GSDMB: variants seen among roughly 807,000 people sequenced by gnomAD.
GSDMB encodes the protein gasdermin B.
In GSDMB, 32 loss-of-function variants were observed where a neutral mutation model predicts 42.9. That is an observed-to-expected ratio of 0.75 (90% CI 0.56 to 1.00). GSDMB has a LOEUF of 1.00. GSDMB is among the 50% of genes least tolerant of loss of function. The pLI, the probability that GSDMB is intolerant of heterozygous loss-of-function variation, is 0.00. For synonymous variants in GSDMB, 175 were observed against 193.7 expected, an observed-to-expected ratio of 0.90 and a Z score of 0.80; for missense variants, 468 against 498.5, an observed-to-expected ratio of 0.94 and a Z score of 0.58.
intron 3 of GSDMB, among the ~76,000 whole-genome samples, chr17:39,911,597 C>T (rs1014852756): frequency 5.3e-5 from 8 of 152,142 alleles, no homozygotes; most frequent in Non-Finnish European, 5.9e-5. Context: ...CAGGAAACAT[C>T]CTCCAAGGGG....
intron 2 of GSDMB, 28 bp from the exon 3 acceptor site, chr17:39,912,525 T>C (rs2144700810): frequency 6.3e-7 from 1 of 1,580,688 alleles, no homozygotes; most frequent in Non-Finnish European, 8.7e-7. Flanking sequence ...AAGGTCACTC[T>C]GGAGCAGACC....
intron 4 of GSDMB, chr17:39,909,436 C>T (rs974285595): frequency 5.1e-6 from 2 of 393,126 alleles, no homozygotes; most frequent in East Asian, 1.0e-4. Flanking sequence ...GTGGCTCACA[C>T]CTGTAATCCC....
At chr17:39,908,324 CAAAAAA>C (rs3076830) in intron 5 of GSDMB, 110 bp from the exon 6 acceptor site, 1,053 of 244,680 alleles carry the variant, frequency 4.3e-3, no homozygotes, top group Middle Eastern at 9.1e-3. Context: ...AGCCTCCAAT[CAAAAAA>C]AAAAAAAAAA....
At chr17:39,908,336 A>C in intron 5 of GSDMB, 122 bp from the exon 6 acceptor site, 1 of 590,598 alleles carries the variant, frequency 1.7e-6, no homozygotes, top group Non-Finnish European at 3.1e-6. Context: ...AAAAAAAAAA[A>C]AAAAAAAGAC....
chr17:39,915,254 G>C (rs140468738), intron 2 of GSDMB, among the ~76,000 whole-genome samples: 1 of 152,230 alleles, frequency 6.6e-6, no homozygotes, highest in Non-Finnish European at 1.5e-5. Flanking sequence ...TTACAGGCGC[G>C]AGCCACTGTG....
At chr17:39,912,279 A>G (rs1242386408) in intron 3 of GSDMB, 47 bp downstream of exon 3, 2 of 1,439,542 alleles carry the variant, frequency 1.4e-6, no homozygotes, top group African/African-American at 1.4e-5. Context: ...TTGGTGCCCA[A>G]GATGGGCTTC....
At chr17:39,905,599 G>T in intron 9 of GSDMB, 103 bp from the exon 10 acceptor site, 2 of 1,019,820 alleles carry the variant, frequency 2.0e-6, no homozygotes, top group Non-Finnish European at 3.0e-6. Context: ...GTTCCAGAGA[G>T]CCCCTGGGAG....
intron 1 of GSDMB, chr17:39,918,118 C>T (rs2144727470): frequency 6.6e-6 from 1 of 152,414 alleles, no homozygotes; most frequent in Non-Finnish European, 1.5e-5. Context: ...AGACTAGCCC[C>T]AACGTTGATG....
chr17:39,908,068 G>A, intron 6 of GSDMB, 108 bp downstream of exon 6: 1 of 724,074 alleles, frequency 1.4e-6, no homozygotes, highest in African/African-American at 1.7e-5. Flanking sequence ...CCACCTGTGG[G>A]TGCGTCTTAC....
intron 6 of GSDMB, chr17:39,907,803 G>A: frequency 5.5e-6 from 1 of 182,148 alleles, no homozygotes; most frequent in Non-Finnish European, 1.1e-5. Context: ...CTAGTGAGTG[G>A]CAGGGTGGGA....
intron 2 of GSDMB, among the ~76,000 whole-genome samples, chr17:39,913,300 C>T (rs1006295311): frequency 6.6e-6 from 1 of 151,988 alleles, no homozygotes; most frequent in African/African-American, 2.4e-5. Flanking sequence ...GAAGTAGGAG[C>T]CCCAGCCAAT....
chr17:39,916,732 C>G (rs1271443302), intron 2 of GSDMB, among the ~76,000 whole-genome samples: 1 of 152,172 alleles, frequency 6.6e-6, no homozygotes, highest in Non-Finnish European at 1.5e-5. Context: ...AGCCCTAAAG[C>G]CTGCATCCTT....
chr17:39,906,335 G>A, intron 7 of GSDMB, 64 bp from the exon 8 acceptor site: 6 of 1,500,336 alleles, frequency 4.0e-6, no homozygotes, highest in Non-Finnish European at 5.5e-6. Context: ...CTAAGGCTCT[G>A]TTATTTGTCT....
At chr17:39,911,008 TA>T (rs771751904) in intron 3 of GSDMB, among the ~76,000 whole-genome samples, 1 of 151,926 alleles carries the variant, frequency 6.6e-6, no homozygotes, top group Non-Finnish European at 1.5e-5. Context: ...AATTTATTAA[TA>T]AAAAAGGGTG....
intron 7 of GSDMB, chr17:39,906,692 C>CG: frequency 8.4e-7 from 1 of 1,184,698 alleles, no homozygotes; most frequent in Non-Finnish European, 1.1e-6. Context: ...CCAGGCCACA[C>CG]CCCCACAATT....
chr17:39,906,436 A>G, intron 7 of GSDMB, 165 bp from the exon 8 acceptor site: 1 of 897,988 alleles, frequency 1.1e-6, no homozygotes, highest in Admixed American at 2.9e-5. Flanking sequence ...GATACCTACC[A>G]TCATTGCCTC....
chr17:39,916,280 A>ATTTTTT lies in GSDMB; in HGVS notation c.235+796_235+801dup, dbSNP rs3076832. On this transcript the variant is annotated intron_variant, in intron 2 of 10. Transcript: ENST00000418519. ...GATTCACGTAATTTGTTCTCATTTGATTTTTTTTTTTTTTTTTTTTGAGAC... is the reference window on the plus strand; with the variant it reads ...GATTCACGTAATTTGTTCTCATTTGATTTTTTTTTTTTTTTTTTTTTTTTTTGAGAC... 1.0e-4 allele frequency among the ~76,000 whole-genome samples: 12 copies of ATTTTTT among 119,092 alleles called. 1 individual carries two copies. Among genetic ancestry groups the ATTTTTT allele is most frequent in the East Asian group, 4.9e-4 (2 of 4,094 alleles). 78.1% of individuals were successfully genotyped at this position (119,092 alleles called of 152,430 possible). A position where few individuals can be genotyped will look rare whatever the true frequency, so the allele number is the denominator to read the frequency against.
Position 39,917,349 on chromosome 17 carries a change from T to C in GSDMB, c.-14-19A>G. The C allele has an allele frequency of 6.8e-7, 1 of 1,460,010 alleles. No individual in the cohort carries two copies. The highest frequency in any genetic ancestry group is 9.6e-7 in the Non-Finnish European group (1 of 1,039,678). 90.4% of individuals were successfully genotyped at this position (1,460,010 alleles called of 1,614,324 possible). A position where few individuals can be genotyped will look rare whatever the true frequency, so the allele number is the denominator to read the frequency against. ...GGACCAACTCAGAAACAGAAGCCAA[T>C]TTCAGTTTTTGGGAGGAGGGTATTG... On this transcript the variant is annotated intron_variant, in intron 1 of 10. Transcript: ENST00000418519.
chr17:39,906,659 G>A (rs2063509803), intron 7 of GSDMB: 1 of 1,258,286 alleles, frequency 7.9e-7, no homozygotes, highest in Non-Finnish European at 1.0e-6. Flanking sequence ...AATCACCTGA[G>A]GAGTTATTAC....
Sources: allele counts gnomAD v4.1 joint callset (sites outside exome capture counted in the v4.1 genomes callset), GRCh38; gene constraint gnomAD v4.1.1; transcripts MANE v1.5; gene names NCBI Gene and HGNC (gene_info 2026-07-23, HGNC 2026-07-21).